Variants in SLU7 observed in about 807,000 individuals in gnomAD.
SLU7 encodes the protein spliceosome associated SLU7.
SLU7 carries 60 observed loss-of-function variants against 87.0 expected under a neutral mutation model. That is an observed-to-expected ratio of 0.69 (90% confidence interval 0.56 to 0.86). The LOEUF (loss-of-function observed/expected upper bound fraction) is 0.86, where lower values mean the gene tolerates loss of function less well. Ranked by LOEUF, SLU7 falls within the 40% of genes least tolerant of loss-of-function variation. SLU7 has a pLI of 0.00. For synonymous variants in SLU7, 197 were observed against 222.0 expected (o/e 0.89, Z 1.00); for missense variants, 507 against 686.6 (o/e 0.74, Z 2.92).
In SLU7 at chr5:160,403,399, C is replaced by T. The variant is rs761892874; in HGVS notation, c.1647G>A (p.Lys549=). The T allele has an allele frequency of 6.2e-7, 1 of 1,613,344 alleles. No homozygotes were observed. The highest frequency in any genetic ancestry group is 8.5e-7 in the Non-Finnish European group (1 of 1,179,792). ...VKETMQIDER[K]RPYNSMYETR... ...TTTCATACATGCTATTGTAAGGCCG[C>T]TTCCTCTCATCAATCTGCATGGTCT... is the stretch of plus-strand genomic sequence containing the variant. The change falls in exon 16 of 16, where the codon AAG becomes AAA. Residue 549 remains lysine, a synonymous_variant. Transcript: ENST00000297151.
rs1443597865 is a variant in SLU7 at position 160,414,454 on chromosome 5, A to G, written c.189T>C (p.Ile63=). Residue 63 remains isoleucine (I), a synonymous_variant, in exon 3 of 16, where the codon ATT becomes ATC. Transcript: ENST00000297151. ...ATGGCACTGAAGAAATATACTGAGGAATATGGGGGTTGATGTCTCTGTAAT... is the reference window on the plus strand; with the variant it reads ...ATGGCACTGAAGAAATATACTGAGGGATATGGGGGTTGATGTCTCTGTAAT... ...DEEGKDINPH[I]PQYISSVPWY... is the part of the protein sequence containing the mutation. 23 of 1,570,144 alleles carry G rather than the reference A, an allele frequency of 1.5e-5. No homozygotes were observed. The Admixed American group carries it at 3.8e-4, about 26-fold the overall frequency.
chr5:160,417,724 C>CGATATTGCAGTGAGCT (rs1765515016), intron 1 of SLU7, among the ~76,000 whole-genome samples: 1 of 140,048 alleles, frequency 7.1e-6, no homozygotes, highest in Non-Finnish European at 1.5e-5. Context: ...CCCAGGAGGC[C>CGATATTGCAGTGAGCT]GATATTGCAG....
intron 15 of SLU7, among the ~76,000 whole-genome samples, chr5:160,403,819 C>A (rs1235185807): frequency 6.6e-6 from 1 of 152,198 alleles, no homozygotes; most frequent in East Asian, 1.9e-4. Context: ...CCAAAACTTA[C>A]AAACTACGGA....
intron 1 of SLU7, chr5:160,417,060 T>C (rs1320618512): frequency 1.3e-5 from 2 of 152,222 alleles, no homozygotes; most frequent in Non-Finnish European, 2.9e-5. Flanking sequence ...CCTTTCACCA[T>C]GTTTGTGAGG....
At chr5:160,413,076 A>C (rs1329929679) in intron 5 of SLU7, among the ~76,000 whole-genome samples, 1 of 152,060 alleles carries the variant, frequency 6.6e-6, no homozygotes, top group Non-Finnish European at 1.5e-5. Flanking sequence ...CCTTTCTACT[A>C]CTCCCAAATG....
At chr5:160,415,899 C>CT (rs143840615) in intron 1 of SLU7, among the ~76,000 whole-genome samples, 55 of 148,422 alleles carry the variant, frequency 3.7e-4, no homozygotes, top group Non-Finnish European at 1.9e-4. Flanking sequence ...TTTTCTTTTT[C>CT]TTTTTTTTTT....
intron 15 of SLU7, 69 bp from the exon 16 acceptor site, chr5:160,403,533 G>C: frequency 7.4e-7 from 1 of 1,352,658 alleles, no homozygotes; most frequent in Non-Finnish European, 1.0e-6. Context: ...AAGTGGCAGA[G>C]TACCAACACA....
intron 6 of SLU7, among the ~76,000 whole-genome samples, chr5:160,411,335 G>A (rs1235149562): frequency 6.6e-6 from 1 of 151,360 alleles, no homozygotes; most frequent in Non-Finnish European, 1.5e-5. Context: ...GGGTTCAAGC[G>A]ATTCTCCCGA....
intron 6 of SLU7, among the ~76,000 whole-genome samples, chr5:160,411,507 T>C (rs1011404405): frequency 6.6e-6 from 1 of 152,172 alleles, no homozygotes; most frequent in Non-Finnish European, 1.5e-5. Context: ...GTGTGAGCCA[T>C]TGTGCTCGGC....
chr5:160,414,009 T>C (rs377314648), intron 3 of SLU7, 30 bp from the exon 4 acceptor site: 2 of 1,303,714 alleles, frequency 1.5e-6, no homozygotes, highest in African/African-American at 3.1e-5. Flanking sequence ...AAAACAAAAA[T>C]GTCTTAACCA....
Position 160,406,509 on chromosome 5 carries a change from A to G in SLU7, c.1246T>C (p.Cys416Arg). Reference sequence around the variant, plus strand: ...TTCACATCCTCCTCATACTTAGAGCAGGCAACAGCCCGCTCCTGTCCTTTG... The same window carrying G: ...TTCACATCCTCCTCATACTTAGAGCGGGCAACAGCCCGCTCCTGTCCTTTG... ...VIKGQERAVA[C>R]SKYEEDVKIH... The change falls in exon 12 of 16, where the codon TGC becomes CGC. Residue 416 changes from cysteine to arginine, a missense_variant. Physicochemically the swap from Cys to Arg is radical, Grantham distance 180. Transcript: ENST00000297151. The G allele has an allele frequency of 6.2e-7, 1 of 1,613,276 alleles. No homozygotes were observed.
Position 160,407,990 on chromosome 5 carries a change from C to T in SLU7, c.898G>A (p.Ala300Thr). Reference sequence around the variant, plus strand: ...ACTTACTCATCTGGATTCTTTCCTGCATTGGCATAAGGATTCTCTCTCATT... The same window carrying T: ...ACTTACTCATCTGGATTCTTTCCTGTATTGGCATAAGGATTCTCTCTCATT... ...RAMRENPYAN[A>T]GKNPDEVSYA... The change falls in exon 9 of 16, where the codon GCA becomes ACA. Residue 300 changes from alanine (A) to threonine (T), a missense_variant. Physicochemically the swap from Ala to Thr is moderately conservative, Grantham distance 58. Transcript: ENST00000297151. This position sits in a 1 kb window ranked among gnomAD's most constrained non-coding sequence, Gnocchi z 4.2. 1 of 1,611,936 alleles carries T rather than the reference C, an allele frequency of 6.2e-7. No individual in the cohort carries two copies. The highest frequency in any genetic ancestry group is 8.5e-7 in the Non-Finnish European group (1 of 1,178,154).
At chr5:160,415,847 A>C (rs1452343114) in intron 1 of SLU7, among the ~76,000 whole-genome samples, 3 of 151,724 alleles carry the variant, frequency 2.0e-5, no homozygotes, top group African/African-American at 7.3e-5. Flanking sequence ...TTCCCTTTTT[A>C]TATATTATGT....
Position 160,414,379 on chromosome 5 carries a change from T to C in SLU7, c.264A>G (p.Gln88=), listed in dbSNP as rs199924640. 6 of 1,612,112 alleles carry C rather than the reference T, an allele frequency of 3.7e-6. No individual in the cohort carries two copies. The highest frequency in any genetic ancestry group is 5.1e-6 in the Non-Finnish European group (6 of 1,179,012). ...AGCTGAACTGCTTTTGTTTTTCTGGTTGTGGTCTCTGGTGTTTTAAAGTAG... is the reference window on the plus strand; with the variant it reads ...AGCTGAACTGCTTTTGTTTTTCTGGCTGTGGTCTCTGGTGTTTTAAAGTAG... ...KRPTLKHQRP[Q]PEKQKQFSSS... The change falls in exon 3 of 16, where the codon CAA becomes CAG. Residue 88 remains glutamine (Q), a synonymous_variant. Transcript: ENST00000297151.
chr5:160,403,207 T>TTCTA lies in SLU7; in HGVS notation c.*74_*77dup. On this transcript the variant is annotated 3_prime_UTR_variant, in exon 16 of 16. Coordinates refer to ENST00000297151, the MANE Select transcript of SLU7 (RefSeq NM_006425.5). ...CAGCAAGAAGAATAAACAAGGATTT[T>TTCTA]TCTATCTACAATCATCAATAAGAAG... The TTCTA allele has an allele frequency of 8.7e-7, 1 of 1,144,016 alleles. No homozygotes were observed. The highest frequency in any genetic ancestry group is 1.2e-6 in the Non-Finnish European group (1 of 826,516). 70.9% of individuals were successfully genotyped at this position (1,144,016 alleles called of 1,614,324 possible).
Position 160,408,060 on chromosome 5 carries a change from C to T in SLU7, c.828G>A (p.Arg276=), listed in dbSNP as rs1765079084. The change falls in exon 9 of 16, where the codon AGG becomes AGA. Residue 276 remains arginine (R), a synonymous_variant. Transcript: ENST00000297151. ...AGTAGGCAGAATTTGGATCTAAATT[C>T]CTCAAATACTAGAAGAAAAAAATAT... The part of the protein sequence containing the change: ...RIREDIAKYL[R]NLDPNSAYYD... 1.2e-6 allele frequency: 2 copies of T among 1,600,212 alleles called. No individual in the cohort carries two copies. Among genetic ancestry groups the T allele is most frequent in the Admixed American group, 1.7e-5 (1 of 59,806 alleles).
rs1764924536 is a variant in SLU7 at position 160,404,571 on chromosome 5, T to G, written c.1465-15A>C. ...TCTTGATGCAGCTGAAAGGGAGGATTGAAATGCAGTGTTATTAATGTGAAA... is the reference window on the plus strand; with the variant it reads ...TCTTGATGCAGCTGAAAGGGAGGATGGAAATGCAGTGTTATTAATGTGAAA... On this transcript the variant is annotated splice_polypyrimidine_tract_variant and intron_variant, in intron 14 of 15. Transcript: ENST00000297151. 1 of 1,477,216 alleles carries G rather than the reference T, an allele frequency of 6.8e-7. No individual in the cohort carries two copies. The highest frequency in any genetic ancestry group is 1.4e-5 in the African/African-American group (1 of 71,644). The allele number at this position is 1,477,216 out of a possible 1,614,324, so 91.5% of individuals were successfully genotyped here. A position where few individuals can be genotyped will look rare whatever the true frequency, so the allele number is the denominator to read the frequency against.
chr5:160,412,688 G>C (rs1765291983), intron 5 of SLU7, among the ~76,000 whole-genome samples, 169 bp from the exon 6 acceptor site: 1 of 151,942 alleles, frequency 6.6e-6, no homozygotes, highest in African/African-American at 2.4e-5. Flanking sequence ...ATTCCTTGTA[G>C]CCCTAGACCT....
chr5:160,414,504 AGGAT>A, intron 2 of SLU7, 32 bp from the exon 3 acceptor site: 7 of 1,427,342 alleles, frequency 4.9e-6, no homozygotes, highest in South Asian at 1.4e-5. Flanking sequence ...AAAAAATTTA[AGGAT>A]AAAATTGGAA....
Sources: gnomAD v4.1 joint callset for allele counts (sites outside exome capture counted in the v4.1 genomes callset) on GRCh38, gnomAD v4.1.1 for gene constraint, Gnocchi (gnomAD v3.1) non-coding constraint, MANE v1.5 for transcripts, NCBI Gene and HGNC (gene_info 2026-07-23, HGNC 2026-07-21) for gene names.